SLC2A9: variants seen among roughly 807,000 people sequenced by gnomAD.
The protein encoded by SLC2A9 is solute carrier family 2 member 9.
A neutral mutation model predicts 50.6 loss-of-function variants in SLC2A9; 39 were observed. The observed-to-expected ratio is 0.77, with a 90% CI of 0.60 to 1.01. The LOEUF is 1.01. SLC2A9 is among the 50% of genes least tolerant of loss of function. SLC2A9 has a pLI of 0.00. For synonymous variants in SLC2A9, 324 were observed against 276.9 expected, an observed-to-expected ratio of 1.17 and a Z score of -1.69; for missense variants, 686 against 677.6, an observed-to-expected ratio of 1.01 and a Z score of -0.14.
chr4:9,812,311 G>A (rs879764498), intron 3 of SLC2A9, among the ~76,000 whole-genome samples: 10 of 152,090 alleles, frequency 6.6e-5, no homozygotes, highest in African/African-American at 1.2e-4. Context: ...AGATTTAGCC[G>A]GAAATGACAT....
chr4:9,895,541 C>A (rs1738380868), intron 8 of SLC2A9, among the ~76,000 whole-genome samples: 1 of 152,236 alleles, frequency 6.6e-6, no homozygotes, highest in Non-Finnish European at 1.5e-5. Context: ...TCCCAGGAAA[C>A]CCCTCTGGGG....
At chr4:9,799,698 C>CCCA (rs1553813275) in intron 3 of SLC2A9, among the ~76,000 whole-genome samples, 5 of 71,582 alleles carry the variant, frequency 7.0e-5, no homozygotes, top group African/African-American at 1.4e-4. Context: ...TTGTACCCCC[C>CCCA]CCCCACCCAA....
At chr4:10,023,415 C>A (rs1578384401), upstream of SLC2A9, among the ~76,000 whole-genome samples, 1 of 152,320 alleles carries the variant, frequency 6.6e-6, no homozygotes, top group East Asian at 1.9e-4. Context: ...TGTGACTCCC[C>A]TCTCTATACC....
intron 6 of SLC2A9, among the ~76,000 whole-genome samples, chr4:9,923,589 T>C (rs1438583054): frequency 6.6e-6 from 1 of 152,110 alleles, no homozygotes; most frequent in Non-Finnish European, 1.5e-5. Context: ...CTCACGCTTG[T>C]GCCCAGAGAG....
intron 5 of SLC2A9, among the ~76,000 whole-genome samples, chr4:9,945,985 G>A (rs767706246): frequency 1.3e-5 from 2 of 152,166 alleles, no homozygotes; most frequent in African/African-American, 2.4e-5. Flanking sequence ...AAAAAGGAAG[G>A]CATGTTTTAA....
At chr4:9,918,995 G>A (rs1026133243) in intron 7 of SLC2A9, among the ~76,000 whole-genome samples, 7 of 152,066 alleles carry the variant, frequency 4.6e-5, no homozygotes, top group South Asian at 2.1e-4. Flanking sequence ...GAAGTTATAC[G>A]GGGGATGCAA....
At chr4:9,782,978 T>C in intron 3 of SLC2A9, 1 of 1,614,164 alleles carries the variant, frequency 6.2e-7, no homozygotes, top group Non-Finnish European at 8.5e-7. Context: ...CATCCTTAAC[T>C]GCATGGTCCC....
intron 5 of SLC2A9, among the ~76,000 whole-genome samples, chr4:9,968,372 T>C (rs1358674922): frequency 6.6e-6 from 1 of 152,194 alleles, no homozygotes; most frequent in Non-Finnish European, 1.5e-5. Context: ...TACATCTTTT[T>C]GCTTGGCTGG....
At chr4:9,951,962 C>T (rs74682228) in intron 5 of SLC2A9, among the ~76,000 whole-genome samples, 181 of 152,364 alleles carry the variant, frequency 1.2e-3, no homozygotes, top group African/African-American at 4.2e-3. Context: ...AGCACTGTGG[C>T]TTCCATGTGC....
At chr4:10,008,457 A>G (rs1761177707) in intron 2 of SLC2A9, among the ~76,000 whole-genome samples, 1 of 152,238 alleles carries the variant, frequency 6.6e-6, no homozygotes, top group Non-Finnish European at 1.5e-5. Context: ...GCAGCATCTC[A>G]TATTAGAGAA....
intron 3 of SLC2A9, among the ~76,000 whole-genome samples, chr4:9,792,402 G>C (rs1720059693): frequency 6.6e-6 from 1 of 150,742 alleles, no homozygotes. Flanking sequence ...CACCCAGGTT[G>C]GTCTCAAACT....
intron 6 of SLC2A9, among the ~76,000 whole-genome samples, chr4:9,923,298 C>G (rs894181885): frequency 6.6e-6 from 1 of 152,190 alleles, no homozygotes; most frequent in Non-Finnish European, 1.5e-5. Flanking sequence ...GGCAAACATC[C>G]AGGCCAGAAT....
chr4:9,782,027 G>T, intron 3 of SLC2A9: 1 of 1,457,684 alleles, frequency 6.9e-7, no homozygotes, highest in South Asian at 1.4e-5. Flanking sequence ...AGTCCAGCCC[G>T]AAATGCTGCC....
chr4:9,959,987 G>A (rs182289496), intron 5 of SLC2A9, among the ~76,000 whole-genome samples: 3 of 152,322 alleles, frequency 2.0e-5, no homozygotes, highest in Admixed American at 6.5e-5. Flanking sequence ...TCAACACCAC[G>A]CCCTTCTGGG....
At chr4:9,981,840 A>G (rs1432203248) in intron 4 of SLC2A9, among the ~76,000 whole-genome samples, 1 of 151,926 alleles carries the variant, frequency 6.6e-6, no homozygotes, top group Non-Finnish European at 1.5e-5. Context: ...AGAGCCTTCT[A>G]TCATCTCAAA....
rs114856770 is a variant in SLC2A9 at position 9,872,432 on chromosome 4, C to T, written c.1291+15135G>A. ...AATAAAAATATGTTAACAAAAGAAA[C>T]CCAGTCTGTGAATGTGCAGGAATCC... On this transcript the variant is annotated intron_variant, in intron 10 of 11. Coordinates refer to ENST00000264784, the MANE Select transcript of SLC2A9 (RefSeq NM_020041.3). Among the ~76,000 whole-genome samples the T allele has an allele frequency of 1.6e-3, 242 of 152,284 alleles. 2 individuals carry two copies. Among genetic ancestry groups the T allele is most frequent in the African/African-American group, 5.6e-3 (233 of 41,558 alleles).
intron 3 of SLC2A9, among the ~76,000 whole-genome samples, chr4:9,803,252 C>G (rs1404404878): frequency 1.3e-5 from 2 of 152,180 alleles, no homozygotes; most frequent in South Asian, 4.1e-4. Flanking sequence ...TCTTAAACAG[C>G]CTGAACACAA....
chr4:10,034,932 G>A (rs1482999302), intron 1 of SLC2A9: 1 of 152,206 alleles, frequency 6.6e-6, no homozygotes, highest in Admixed American at 6.5e-5. Flanking sequence ...CTGGACATGG[G>A]GGTCAGGAAA....
intron 2 of SLC2A9, 43 bp downstream of exon 2, chr4:10,018,932 G>A (rs781488188): frequency 2.6e-6 from 4 of 1,538,460 alleles, no homozygotes; most frequent in Non-Finnish European, 3.5e-6. Flanking sequence ...GAAGGTTTCC[G>A]CAGGGCCGCA....
Sources: gnomAD v4.1 joint callset for allele counts (sites outside exome capture counted in the v4.1 genomes callset) on GRCh38, gnomAD v4.1.1 for gene constraint, MANE v1.5 for transcripts, NCBI Gene and HGNC (gene_info 2026-07-23, HGNC 2026-07-21) for gene names.